The following DTD2 variants were observed in gnomAD, a reference collection of about 807,000 sequenced individuals.
The protein encoded by DTD2 is D-aminoacyl-tRNA deacylase 2, also known as D-tyrosyl-tRNA deacylase 2 (putative).
In DTD2, 12 loss-of-function variants were observed where a neutral mutation model predicts 15.5. The ratio of observed to expected loss-of-function variants is 0.77; its 90% CI spans 0.50 to 1.25. The LOEUF is 1.25. DTD2 is among the 50% of genes most tolerant of loss of function. The pLI is 0.00. For missense variants in DTD2, 170 were observed against 201.1 expected, an observed-to-expected ratio of 0.85 and a Z score of 0.93; for synonymous variants, 59 against 77.3, an observed-to-expected ratio of 0.76 and a Z score of 1.24.
chr14:31,455,270 G>A (rs1595219088), intron 1 of DTD2, among the ~76,000 whole-genome samples: 1 of 152,012 alleles, frequency 6.6e-6, no homozygotes, highest in Non-Finnish European at 1.5e-5. Context: ...TGGATAATTC[G>A]GCCGGGCACG....
At position 31,457,268 on chromosome 14, in the gene DTD2, C is replaced by T; in HGVS notation, c.111+15G>A. On this transcript the variant is annotated intron_variant, in intron 1 of 2. Transcript: ENST00000310850. Reference sequence around the variant, plus strand: ...GCACGCCGGAGGATAACGAGAGCTGCCGGGCTGACGTTACCTCCACCCACT... The same window carrying T: ...GCACGCCGGAGGATAACGAGAGCTGTCGGGCTGACGTTACCTCCACCCACT... 2.6e-6 allele frequency: 4 copies of T among 1,555,574 alleles called. No homozygotes were observed. The highest frequency in any genetic ancestry group is 3.5e-6 in the Non-Finnish European group (4 of 1,150,494).
chr14:31,457,213 T>G (rs1431885390), intron 1 of DTD2, 70 bp downstream of exon 1: 1 of 1,373,540 alleles, frequency 7.3e-7, no homozygotes, highest in African/African-American at 1.5e-5. Context: ...AGCGGACGAG[T>G]CACCGAGACA....
chr14:31,448,350 C>G lies in DTD2; in HGVS notation c.286G>C (p.Gly96Arg). Residue 96 changes from glycine to arginine, a missense_variant, in exon 3 of 3, where the codon GGA becomes CGA. Gly to Arg is a moderately radical substitution (Grantham distance 125). Transcript: ENST00000310850. ...NILIIPQATL[G>R]GRLKGRNMQY... ...ATGTTTCTTCCTTTTAGTCTTCCTC[C>G]AAGGGTAGCTTGAGGGATAATAAGA... is the stretch of plus-strand genomic sequence containing the variant. 6.2e-7 allele frequency: 1 copy of G among 1,614,118 alleles called. No individual in the cohort carries two copies. Among genetic ancestry groups the G allele is most frequent in the East Asian group, 2.2e-5 (1 of 44,876 alleles).
chr14:31,447,636 C>T lies in DTD2; in HGVS notation c.*493G>A, dbSNP rs376777791. ...GAGATCGAGACCATCCTGGCCAGCACGGTGAAACCCCATCTCTACTAAAAA... is the reference window on the plus strand; with the variant it reads ...GAGATCGAGACCATCCTGGCCAGCATGGTGAAACCCCATCTCTACTAAAAA... On this transcript the variant is annotated 3_prime_UTR_variant, in exon 3 of 3. Transcript: ENST00000310850. 144 of 152,564 alleles carry T rather than the reference C, an allele frequency of 9.4e-4. 1 individual carries two copies. In the South Asian group the frequency reaches 0.029, roughly 30 times the overall value. The allele number at this position is 152,564 out of a possible 1,614,324, so 9.5% of individuals were successfully genotyped here.
At chr14:31,457,036 C>G in intron 1 of DTD2, 1 of 540,618 alleles carries the variant, frequency 1.8e-6, no homozygotes, top group Non-Finnish European at 3.3e-6. Context: ...TACCTGTGGT[C>G]CCCCCAAGAA....
Position 31,447,849 on chromosome 14 carries a change from A to T in DTD2, c.*280T>A. 1 of 301,140 alleles carries T rather than the reference A, an allele frequency of 3.3e-6. No homozygotes were observed. Among genetic ancestry groups the T allele is most frequent in the Non-Finnish European group, 6.1e-6 (1 of 165,126 alleles). The allele number at this position is 301,140 out of a possible 1,614,324, so 18.7% of individuals were successfully genotyped here. A position where few individuals can be genotyped will look rare whatever the true frequency, so the allele number is the denominator to read the frequency against. On this transcript the variant is annotated 3_prime_UTR_variant, in exon 3 of 3. Transcript: ENST00000310850. ...AAAAAACAAAAACAAAAAAACAATTAAGAACATTTCCTTAATGACTATGAA... is the reference window on the plus strand; with the variant it reads ...AAAAAACAAAAACAAAAAAACAATTTAGAACATTTCCTTAATGACTATGAA...
At chr14:31,451,210 T>G (rs1224932365) in intron 2 of DTD2, among the ~76,000 whole-genome samples, 6 of 150,154 alleles carry the variant, frequency 4.0e-5, no homozygotes, top group African/African-American at 1.5e-4. Context: ...TGCAGTGGCG[T>G]GATCTCGGCT....
intron 2 of DTD2, among the ~76,000 whole-genome samples, chr14:31,450,277 G>GT (rs952398033): frequency 6.6e-6 from 1 of 152,332 alleles, no homozygotes; most frequent in Admixed American, 6.5e-5. Flanking sequence ...TGTAGAAACA[G>GT]TAAGTAGAAT....
At chr14:31,448,497 A>C in intron 2 of DTD2, 43 bp from the exon 3 acceptor site, 3 of 1,513,978 alleles carry the variant, frequency 2.0e-6, no homozygotes, top group Non-Finnish European at 2.7e-6. Context: ...GTGAAAAACA[A>C]ACATGAAGAA....
chr14:31,446,302 A>T lies in DTD2; in HGVS notation c.*1827T>A, dbSNP rs1190337399. The T allele has an allele frequency of 1.3e-5, 2 of 150,682 alleles. No individual in the cohort carries two copies. The highest frequency in any genetic ancestry group is 3.9e-4 in the East Asian group (2 of 5,084). The allele number at this position is 150,682 out of a possible 1,614,324, so 9.3% of individuals were successfully genotyped here. ...GTTTATTTATTTACCTTTTTTTGCC[A>T]ATTAGAATTAGTTATTTGGTTTTTA... On this transcript the variant is annotated 3_prime_UTR_variant, in exon 3 of 3. Coordinates refer to ENST00000310850, the MANE Select transcript of DTD2 (RefSeq NM_080664.3).
intron 2 of DTD2, 59 bp downstream of exon 2, chr14:31,453,216 G>C (rs2032058143): frequency 6.5e-7 from 1 of 1,532,616 alleles, no homozygotes; most frequent in East Asian, 2.2e-5. Flanking sequence ...TGGGATTACA[G>C]GTGTGAGCAC....
Position 31,447,994 on chromosome 14 carries a change from T to A in DTD2, c.*135A>T. The A allele has an allele frequency of 1.4e-6, 1 of 730,796 alleles. No individual in the cohort carries two copies. Among genetic ancestry groups the A allele is most frequent in the Non-Finnish European group, 2.2e-6 (1 of 452,606 alleles). The allele number at this position is 730,796 out of a possible 1,614,324, so 45.3% of individuals were successfully genotyped here. ...AGTCATCCAATTAGCAGGTGCAGAG[T>A]TATATATGAAACCCAAGATTTTCCT... is the stretch of plus-strand genomic sequence containing the variant. On this transcript the variant is annotated 3_prime_UTR_variant, in exon 3 of 3. Coordinates refer to ENST00000310850, the MANE Select transcript of DTD2 (RefSeq NM_080664.3).
rs1299022581 is a variant in DTD2 at position 31,457,430 on chromosome 14, C to G, written c.-37G>C. 7.1e-7 allele frequency: 1 copy of G among 1,401,268 alleles called. No homozygotes were observed. The highest frequency in any genetic ancestry group is 1.5e-5 in the South Asian group (1 of 67,286). 86.8% of individuals were successfully genotyped at this position (1,401,268 alleles called of 1,614,324 possible). A position where few individuals can be genotyped will look rare whatever the true frequency, so the allele number is the denominator to read the frequency against. On this transcript the variant is annotated 5_prime_UTR_variant, in exon 1 of 3. Transcript: ENST00000310850. ...GCGCCGCGGCCGGACAGTTACTAGG[C>G]CATGTGTCGCTGGCCCCTCCCTCGA...
At chr14:31,456,821 G>T (rs1337520904) in intron 1 of DTD2, among the ~76,000 whole-genome samples, 1 of 152,186 alleles carries the variant, frequency 6.6e-6, no homozygotes, top group Non-Finnish European at 1.5e-5. Flanking sequence ...TCTTGAAATA[G>T]AATTGTTTCT....
chr14:31,456,586 G>A (rs1281817910), intron 1 of DTD2, among the ~76,000 whole-genome samples: 2 of 151,912 alleles, frequency 1.3e-5, no homozygotes, highest in African/African-American at 2.4e-5. Context: ...ACATTTCAAC[G>A]TACTCCAAAA....
At chr14:31,453,225 A>G (rs1213524762) in intron 2 of DTD2, 50 bp downstream of exon 2, 1 of 1,563,352 alleles carries the variant, frequency 6.4e-7, no homozygotes, top group South Asian at 1.1e-5. Context: ...AGGTGTGAGC[A>G]CCATGCTTGG....
At chr14:31,449,462 C>T (rs1270643492) in intron 2 of DTD2, among the ~76,000 whole-genome samples, 3 of 152,138 alleles carry the variant, frequency 2.0e-5, no homozygotes, top group African/African-American at 7.2e-5. Context: ...AGATATAAAG[C>T]TATGGCATTA....
At chr14:31,455,668 G>A (rs2139364376) in intron 1 of DTD2, among the ~76,000 whole-genome samples, 1 of 150,958 alleles carries the variant, frequency 6.6e-6, no homozygotes, top group Admixed American at 6.6e-5. Flanking sequence ...TACAACCTCT[G>A]CCTCCCGGAT....
chr14:31,447,998 A>T lies in DTD2; in HGVS notation c.*131T>A. 1 of 765,744 alleles carries T rather than the reference A, an allele frequency of 1.3e-6. No individual in the cohort carries two copies. The highest frequency in any genetic ancestry group is 2.1e-6 in the Non-Finnish European group (1 of 481,230). The allele number at this position is 765,744 out of a possible 1,614,324, so 47.4% of individuals were successfully genotyped here. A position where few individuals can be genotyped will look rare whatever the true frequency, so the allele number is the denominator to read the frequency against. On this transcript the variant is annotated 3_prime_UTR_variant, in exon 3 of 3. Coordinates refer to ENST00000310850, the MANE Select transcript of DTD2 (RefSeq NM_080664.3). ...ATCCAATTAGCAGGTGCAGAGTTAT[A>T]TATGAAACCCAAGATTTTCCTGTCT...
Sources: allele counts gnomAD v4.1 joint callset (sites outside exome capture counted in the v4.1 genomes callset), GRCh38; gene constraint gnomAD v4.1.1; transcripts MANE v1.5; gene names NCBI Gene and HGNC (gene_info 2026-07-23, HGNC 2026-07-21).